Variants in PCDHA3 observed in about 807,000 individuals in gnomAD.
PCDHA3 encodes protocadherin alpha 3.
Under a neutral mutation model 62.2 loss-of-function variants are expected in PCDHA3, and 41 were observed. The observed-to-expected ratio is 0.66, with a 90% CI of 0.51 to 0.86. PCDHA3 has a LOEUF of 0.86. PCDHA3 is among the 40% of genes least tolerant of loss of function. PCDHA3 has a pLI of 0.00. For synonymous variants in PCDHA3, 640 were observed against 555.4 expected, an observed-to-expected ratio of 1.15 and a Z score of -2.14; for missense variants, 1,304 against 1,241.2, an observed-to-expected ratio of 1.05 and a Z score of -0.76.
At chr5:140,832,455 G>A (rs2150201808) in intron 1 of PCDHA3, among the ~76,000 whole-genome samples, 8 of 152,070 alleles carry the variant, frequency 5.3e-5, no homozygotes, top group Non-Finnish European at 1.2e-4. Flanking sequence ...AATTAATATT[G>A]CACTAAAATT....
chr5:140,928,852 G>T, intron 1 of PCDHA3: 1 of 1,614,172 alleles, frequency 6.2e-7, no homozygotes, highest in Non-Finnish European at 8.5e-7. Flanking sequence ...CACTCTGGGT[G>T]TGCTGTTGAG....
At chr5:140,838,559 T>C (rs1251865837) in intron 1 of PCDHA3, among the ~76,000 whole-genome samples, 1 of 152,048 alleles carries the variant, frequency 6.6e-6, no homozygotes, top group Non-Finnish European at 1.5e-5. Context: ...ATTCATCCAG[T>C]ACTGTATTAG....
chr5:140,861,028 C>G (rs954598633), intron 1 of PCDHA3: 1 of 152,238 alleles, frequency 6.6e-6, no homozygotes, highest in African/African-American at 2.4e-5. Context: ...CGCACCCGGC[C>G]GAAAGGTATT....
Position 140,850,119 on chromosome 5 carries a change from G to T in PCDHA3, c.2394+46528G>T, listed in dbSNP as rs2150468632. On this transcript the variant is annotated intron_variant, in intron 1 of 3. Coordinates refer to ENST00000522353, the MANE Select transcript of PCDHA3 (RefSeq NM_018906.3). ...CCAGGTGAGCGCGCGCGACGCGGGC[G>T]TGCCGCCTCTGGGCAGCAACGTGAC... is the stretch of plus-strand genomic sequence containing the variant. The T allele has an allele frequency of 1.1e-5, 17 of 1,596,076 alleles. No homozygotes were observed. The Admixed American group carries it at 1.9e-4, about 17-fold the overall frequency.
intron 1 of PCDHA3, chr5:140,849,147 G>A (rs2150431262): frequency 2.3e-6 from 3 of 1,282,624 alleles, no homozygotes; most frequent in South Asian, 2.7e-5. Context: ...CACCGATGGA[G>A]GCAAACCCGA....
At chr5:140,884,254 G>A (rs1554181387) in intron 1 of PCDHA3, 2 of 1,613,406 alleles carry the variant, frequency 1.2e-6, no homozygotes, top group Admixed American at 1.7e-5. Flanking sequence ...TGACGGCCAC[G>A]GCAACGGTGC....
intron 1 of PCDHA3, chr5:140,828,775 G>A (rs1769936182): frequency 1.2e-6 from 2 of 1,614,158 alleles, no homozygotes; most frequent in South Asian, 2.2e-5. Context: ...CTGTTCAGCT[G>A]CTGGTCACAG....
chr5:141,010,199 T>G lies in PCDHA3; in HGVS notation c.*262T>G. On this transcript the variant is annotated 3_prime_UTR_variant, in exon 4 of 4. Coordinates refer to ENST00000522353, the MANE Select transcript of PCDHA3 (RefSeq NM_018906.3). Reference sequence around the variant, plus strand: ...AAGCAGACCCAAGTTTCCTTTCTCCTCCGCCGCAAAGGAGAGGCTTCCCAG... The same window carrying G: ...AAGCAGACCCAAGTTTCCTTTCTCCGCCGCCGCAAAGGAGAGGCTTCCCAG... The G allele has an allele frequency of 1.3e-6, 2 of 1,551,990 alleles. No homozygotes were observed. Among genetic ancestry groups the G allele is most frequent in the South Asian group, 1.2e-5 (1 of 84,106 alleles).
chr5:140,816,091 C>T (rs1765841827), intron 1 of PCDHA3: 1 of 152,174 alleles, frequency 6.6e-6, no homozygotes, highest in African/African-American at 2.4e-5. Context: ...AATAAGCTGT[C>T]TGTCCTTTTC....
At chr5:140,942,638 A>T (rs1478847405) in intron 1 of PCDHA3, among the ~76,000 whole-genome samples, 1 of 152,122 alleles carries the variant, frequency 6.6e-6, no homozygotes, top group Non-Finnish European at 1.5e-5. Context: ...AAATGGCAAA[A>T]GAGATCTCAT....
rs1468060918 is a variant in PCDHA3, at chr5:140,848,352, T to G, written c.2394+44761T>G. Reference sequence around the variant, plus strand: ...TGAATCCAGACAAATACAGCCCTTTTCCCATGGGAAAGAGGCTCAATTCTT... The same window carrying G: ...TGAATCCAGACAAATACAGCCCTTTGCCCATGGGAAAGAGGCTCAATTCTT... On this transcript the variant is annotated intron_variant, in intron 1 of 3. Coordinates refer to ENST00000522353, the MANE Select transcript of PCDHA3 (RefSeq NM_018906.3). 8.0e-6 allele frequency: 8 copies of G among 1,002,918 alleles called. 1 individual carries two copies. The highest frequency in any genetic ancestry group is 1.2e-5 in the Non-Finnish European group (8 of 671,932). The allele number at this position is 1,002,918 out of a possible 1,614,324, so 62.1% of individuals were successfully genotyped here. A position where few individuals can be genotyped will look rare whatever the true frequency, so the allele number is the denominator to read the frequency against.
intron 1 of PCDHA3, chr5:140,871,318 G>A (rs546803828): frequency 9.9e-6 from 16 of 1,614,072 alleles, no homozygotes; most frequent in Middle Eastern, 1.7e-4. Context: ...GCCCACGCTG[G>A]TGTGCTCCCG....
At chr5:140,806,564 C>T (rs1033670620) in intron 1 of PCDHA3, among the ~76,000 whole-genome samples, 1 of 152,128 alleles carries the variant, frequency 6.6e-6, no homozygotes, top group Non-Finnish European at 1.5e-5. Flanking sequence ...ATTTCCCTGT[C>T]AATAGCTTGT....
chr5:140,991,570 C>T (rs1554252306), intron 3 of PCDHA3, among the ~76,000 whole-genome samples: 1 of 152,220 alleles, frequency 6.6e-6, no homozygotes, highest in Non-Finnish European at 1.5e-5. Context: ...TTTCCAATAA[C>T]AGGCTCCTTA....
rs542968986 is a variant in PCDHA3, at chr5:141,005,917, A to T, written c.2543-3710A>T. On this transcript the variant is annotated intron_variant, in intron 3 of 3. Transcript: ENST00000522353. ...AGCAATGATTGCACCACTGCACTTCAGCCTGGTTGACAGAGTGAGAACCTA... is the reference window on the plus strand; with the variant it reads ...AGCAATGATTGCACCACTGCACTTCTGCCTGGTTGACAGAGTGAGAACCTA... Among the ~76,000 whole-genome samples the T allele has an allele frequency of 4.5e-4, 69 of 152,156 alleles. No homozygotes were observed. In the South Asian group the frequency reaches 0.013, roughly 28 times the overall value.
chr5:140,882,357 A>G lies in PCDHA3; in HGVS notation c.2394+78766A>G, dbSNP rs1010659037. On this transcript the variant is annotated intron_variant, in intron 1 of 3. Transcript: ENST00000522353. Reference sequence around the variant, plus strand: ...GCAGCCTGGGAGACGGGTAGTGGCCAGCTCCACTACTCCGTCCCCGAGGAA... The same window carrying G: ...GCAGCCTGGGAGACGGGTAGTGGCCGGCTCCACTACTCCGTCCCCGAGGAA... 22 of 1,614,084 alleles carry G rather than the reference A, an allele frequency of 1.4e-5. No individual in the cohort carries two copies. In the Admixed American group the frequency reaches 2.5e-4, roughly 18 times the overall value.
chr5:140,830,469 A>G, intron 1 of PCDHA3: 1 of 1,570,730 alleles, frequency 6.4e-7, no homozygotes, highest in Non-Finnish European at 8.7e-7. Flanking sequence ...GATTTAAATG[A>G]AGATCATGAT....
chr5:140,926,959 G>C (rs781794027), intron 1 of PCDHA3: 23 of 1,603,904 alleles, frequency 1.4e-5, no homozygotes, highest in Non-Finnish European at 1.9e-5. Context: ...GGGACAGCTC[G>C]AGTACTCAGT....
chr5:141,001,559 G>A (rs1277713814), intron 3 of PCDHA3, among the ~76,000 whole-genome samples: 1 of 152,190 alleles, frequency 6.6e-6, no homozygotes, highest in Non-Finnish European at 1.5e-5. Context: ...TTCAGACCAC[G>A]ATTCTCCTGT....
Sources: allele counts gnomAD v4.1 joint callset (sites outside exome capture counted in the v4.1 genomes callset), GRCh38; gene constraint gnomAD v4.1.1; transcripts MANE v1.5; gene names NCBI Gene and HGNC (gene_info 2026-07-23, HGNC 2026-07-21).